Variants in FZD6 observed in about 807,000 individuals in gnomAD.
The protein encoded by FZD6 is frizzled-6.
In FZD6, 49 loss-of-function variants were observed where a neutral mutation model predicts 61.4. That is an observed-to-expected ratio of 0.80 (90% confidence interval 0.63 to 1.01). The LOEUF (loss-of-function observed/expected upper bound fraction) is 1.01, where lower values mean the gene tolerates loss of function less well. Ranked by LOEUF, FZD6 falls within the 50% of genes least tolerant of loss-of-function variation. The pLI is 0.00. For synonymous variants in FZD6, 265 were observed against 292.2 expected (o/e 0.91, Z 0.95); for missense variants, 724 against 848.2 (o/e 0.85, Z 1.82).
chr8:103,303,784 A>G (rs1212631716), intron 2 of FZD6, among the ~76,000 whole-genome samples: 2 of 150,808 alleles, frequency 1.3e-5, no homozygotes, highest in Admixed American at 6.6e-5. Flanking sequence ...GACATCCTCT[A>G]TTTTGTTTCC....
chr8:103,323,186 G>A (rs1247850821), intron 3 of FZD6, among the ~76,000 whole-genome samples: 5 of 152,142 alleles, frequency 3.3e-5, no homozygotes, highest in Admixed American at 2.6e-4. Flanking sequence ...ATGCTTGAGA[G>A]TAAACACCGA....
intron 3 of FZD6, 68 bp from the exon 4 acceptor site, chr8:103,324,413 G>C: frequency 1.2e-6 from 1 of 819,960 alleles, no homozygotes; most frequent in Admixed American, 2.4e-5. Flanking sequence ...TAGTTGGAAA[G>C]CATTGCTTAA....
chr8:103,306,494 CTTTTTTTTTTTTT>C (rs71292793), intron 2 of FZD6, among the ~76,000 whole-genome samples: 4 of 65,200 alleles, frequency 6.1e-5, no homozygotes, highest in Non-Finnish European at 8.1e-5. Flanking sequence ...AGGTTCATCA[CTTTTTTTTTTTTT>C]TTTTTTTTTT....
intron 2 of FZD6, among the ~76,000 whole-genome samples, chr8:103,301,484 A>G (rs1022312294): frequency 1.4e-4 from 22 of 152,298 alleles, no homozygotes; most frequent in Middle Eastern, 3.4e-3. Flanking sequence ...TGATGATAAT[A>G]TGTTTTGTAG....
At chr8:103,314,430 G>C (rs1522712) in intron 2 of FZD6, among the ~76,000 whole-genome samples, 65,154 of 151,986 alleles carry the variant, frequency 0.43, 14,557 homozygotes, top group East Asian at 0.61. Context: ...CCTACCTCAG[G>C]CTCAGAGGAG....
At chr8:103,312,700 T>C (rs1052153256) in intron 2 of FZD6, among the ~76,000 whole-genome samples, 19 of 152,240 alleles carry the variant, frequency 1.2e-4, no homozygotes, top group Admixed American at 1.1e-3. Context: ...ATCCCAGTTA[T>C]GTTTCAACTG....
At chr8:103,299,266 G>A (rs1457336240) in intron 1 of FZD6, among the ~76,000 whole-genome samples, 4 of 152,248 alleles carry the variant, frequency 2.6e-5, no homozygotes, top group African/African-American at 9.6e-5. Context: ...GTGGGGCGCT[G>A]GCGGACCGGG....
chr8:103,310,082 C>T (rs1229585588), intron 2 of FZD6, among the ~76,000 whole-genome samples: 1 of 152,112 alleles, frequency 6.6e-6, no homozygotes, highest in African/African-American at 2.4e-5. Flanking sequence ...GAGCACTCTG[C>T]GATATCCTGA....
chr8:103,330,522 A>G (rs1815090275), intron 6 of FZD6, among the ~76,000 whole-genome samples: 1 of 152,234 alleles, frequency 6.6e-6, no homozygotes, highest in Non-Finnish European at 1.5e-5. Context: ...CAGGTAAGCC[A>G]GAATGCAGAC....
chr8:103,326,306 A>T (rs1251497963), intron 4 of FZD6, among the ~76,000 whole-genome samples: 1 of 152,078 alleles, frequency 6.6e-6, no homozygotes, highest in African/African-American at 2.4e-5. Context: ...TCTATTTTTT[A>T]TGTTGGTATG....
chr8:103,319,331 A>G (rs1394441148), intron 3 of FZD6, among the ~76,000 whole-genome samples: 1 of 152,196 alleles, frequency 6.6e-6, no homozygotes, highest in Non-Finnish European at 1.5e-5. Flanking sequence ...AGAGTGAGAA[A>G]GAATATGGTG....
Position 103,329,940 on chromosome 8 carries a change from G to T in FZD6, c.1827G>T (p.Arg609Ser), listed in dbSNP as rs1040321851. The change falls in exon 6 of 7, where the codon AGG (arginine) becomes AGT (serine). Residue 609 changes from arginine to serine, a missense_variant. Arg to Ser is a moderately radical substitution (Grantham distance 110). Coordinates refer to ENST00000358755, the MANE Select transcript of FZD6 (RefSeq NM_003506.4). ...EVKADGASTP[R>S]LREQDCGEPA... is the part of the protein sequence containing the mutation. ...AAGCGGACGGAGCTAGCACCCCCAG[G>T]TTAAGAGAACAGGACTGTGGTGAAC... The T allele has an allele frequency of 6.2e-7, 1 of 1,614,020 alleles. No individual in the cohort carries two copies.
intron 2 of FZD6, among the ~76,000 whole-genome samples, chr8:103,315,127 T>G (rs1814593978): frequency 6.6e-6 from 1 of 152,222 alleles, no homozygotes. Context: ...CAATGGCATT[T>G]CGAGTGGAAG....
chr8:103,306,466 G>A (rs1277519526), intron 2 of FZD6, among the ~76,000 whole-genome samples: 1 of 147,424 alleles, frequency 6.8e-6, no homozygotes, highest in African/African-American at 2.5e-5. Context: ...AGACTTTAGT[G>A]AGCCTGTTGT....
rs763918664 is a variant in FZD6, at chr8:103,329,859, A to T, written c.1746A>T (p.Gly582=). The change falls in exon 6 of 7, where the codon GGA becomes GGT. Residue 582 remains glycine (G), a synonymous_variant. Transcript: ENST00000358755. ...CAATTACTAGCCATGATTACCTAGG[A>T]CAAGAAACTTTGACAGAAATCCAAA... ...AVAITSHDYL[G]QETLTEIQTS... The T allele has an allele frequency of 6.2e-7, 1 of 1,614,110 alleles. No homozygotes were observed. Among genetic ancestry groups the T allele is most frequent in the Admixed American group, 1.7e-5 (1 of 60,022 alleles).
chr8:103,323,592 A>G (rs917349281), intron 3 of FZD6, among the ~76,000 whole-genome samples: 2 of 151,870 alleles, frequency 1.3e-5, no homozygotes, highest in African/African-American at 4.8e-5. Context: ...CACCACGCCC[A>G]GCTAATTTTT....
Position 103,318,796 on chromosome 8 carries a change from GT to G in FZD6, c.374+15del. 1 of 1,504,814 alleles carries G rather than the reference GT, an allele frequency of 6.6e-7. No homozygotes were observed. Among genetic ancestry groups the G allele is most frequent in the Non-Finnish European group, 9.3e-7 (1 of 1,080,392 alleles). 93.2% of individuals were successfully genotyped at this position (1,504,814 alleles called of 1,614,324 possible). On this transcript the variant is annotated intron_variant, in intron 3 of 6. Coordinates refer to ENST00000358755, the MANE Select transcript of FZD6 (RefSeq NM_003506.4). ...AGCTTGAATGTGACAGGTAAACAAT[GT>G]TTTTCATGGAAAGCTACTAATGGTA... is the stretch of plus-strand genomic sequence containing the variant.
chr8:103,298,612 T>A (rs1270714245), upstream of FZD6: 1 of 152,144 alleles, frequency 6.6e-6, no homozygotes, highest in African/African-American at 2.4e-5. Flanking sequence ...GGGCTCAGCC[T>A]TGCGCCTCGG....
chr8:103,324,606 C>T lies in FZD6; in HGVS notation c.500C>T (p.Thr167Ile). 2 of 1,614,146 alleles carry T rather than the reference C, an allele frequency of 1.2e-6. No individual in the cohort carries two copies. Among genetic ancestry groups the T allele is most frequent in the East Asian group, 2.2e-5 (1 of 44,888 alleles). ...IGFWCPRHLK[T>I]SGGQGYKFLG... ...TTTTGGTGTCCAAGGCATCTTAAGA[C>T]TTCTGGGGGACAAGGATATAAGTTT... The change falls in exon 4 of 7, where the codon ACT becomes ATT. Residue 167 changes from threonine to isoleucine, a missense_variant. Transcript: ENST00000358755.
Sources: allele counts gnomAD v4.1 joint callset (sites outside exome capture counted in the v4.1 genomes callset), GRCh38; gene constraint gnomAD v4.1.1; transcripts MANE v1.5; gene names NCBI Gene and HGNC (gene_info 2026-07-23, HGNC 2026-07-21).